EGFLAM: variants seen among roughly 807,000 people sequenced by gnomAD.
The protein encoded by EGFLAM is pikachurin.
A neutral mutation model predicts 113.1 loss-of-function variants in EGFLAM; 79 were observed. That is an observed-to-expected ratio of 0.70 (90% CI 0.58 to 0.84). The LOEUF is 0.84. Ranked by LOEUF, EGFLAM falls within the 40% of genes least tolerant of loss-of-function variation. EGFLAM has a pLI of 0.00. For synonymous variants in EGFLAM, 504 were observed against 487.6 expected (o/e 1.03, Z -0.44); for missense variants, 1,265 against 1,291.6 (o/e 0.98, Z 0.32).
chr5:38,370,111 G>A lies in EGFLAM; in HGVS notation c.546-185G>A, dbSNP rs117335757. ...TAAAAATAATCTACTTGTTTTTATC[G>A]GCAGGGACTTGCAAATGATGACTTG... is the stretch of plus-strand genomic sequence containing the variant. On this transcript the variant is annotated intron_variant, in intron 5 of 21. Coordinates refer to ENST00000322350, the MANE Select transcript of EGFLAM (RefSeq NM_152403.4). Among the ~76,000 whole-genome samples the A allele has an allele frequency of 1.2e-3, 181 of 152,216 alleles. 4 individuals are homozygous for A. In the South Asian group the frequency reaches 0.021, roughly 18 times the overall value.
intron 1 of EGFLAM, chr5:38,305,386 G>A (rs991521220): frequency 4.6e-6 from 2 of 432,816 alleles, no homozygotes; most frequent in Admixed American, 2.6e-5. Context: ...AATGAAGGAT[G>A]ATAGAAGACT....
At chr5:38,399,577 C>T (rs1345900970) in intron 6 of EGFLAM, among the ~76,000 whole-genome samples, 1 of 152,086 alleles carries the variant, frequency 6.6e-6, no homozygotes, top group Non-Finnish European at 1.5e-5. Flanking sequence ...TGCACCCGGC[C>T]CCCAAGGTCC....
In EGFLAM at chr5:38,407,810, G is replaced by A; in HGVS notation, c.1153G>A (p.Val385Ile). 1 of 1,609,088 alleles carries A rather than the reference G, an allele frequency of 6.2e-7. No homozygotes were observed. Among genetic ancestry groups the A allele is most frequent in the Non-Finnish European group, 8.5e-7 (1 of 1,176,542 alleles). The change falls in exon 9 of 22, where the codon GTT becomes ATT. Residue 385 changes from valine (V) to isoleucine (I), a missense_variant. Transcript: ENST00000322350. ...TTGTCTTTTTTCTTCTTCAGATATT[G>A]TTATCCAGTATCCTCAGTTCTTTGG... is the stretch of plus-strand genomic sequence containing the variant. ...KGGESCSEDIVIQYPQFFGHS... is the reference protein window; with the variant it reads ...KGGESCSEDIIIQYPQFFGHS...
chr5:38,324,881 A>C (rs1338800220), intron 1 of EGFLAM, among the ~76,000 whole-genome samples: 3 of 152,160 alleles, frequency 2.0e-5, no homozygotes, highest in Admixed American at 2.0e-4. Flanking sequence ...CTTGACGCTG[A>C]GGGTGACTTG....
chr5:38,398,985 A>G (rs370902377), intron 6 of EGFLAM, among the ~76,000 whole-genome samples: 27 of 152,354 alleles, frequency 1.8e-4, no homozygotes, highest in African/African-American at 6.3e-4. Context: ...GGAAGATGAT[A>G]AGGATGAAGA....
chr5:38,425,270 C>T (rs576606998), intron 13 of EGFLAM, among the ~76,000 whole-genome samples, 178 bp downstream of exon 13: 1 of 152,134 alleles, frequency 6.6e-6, no homozygotes, highest in Non-Finnish European at 1.5e-5. Context: ...CTCTGCCTCC[C>T]GGGTTCAAGT....
chr5:38,352,466 G>T, intron 5 of EGFLAM, 135 bp downstream of exon 5: 1 of 1,135,688 alleles, frequency 8.8e-7, no homozygotes, highest in Non-Finnish European at 1.2e-6. Flanking sequence ...GACCAACATG[G>T]TGAAACCCCG....
chr5:38,398,020 C>G (rs1335988521), intron 6 of EGFLAM, among the ~76,000 whole-genome samples: 1 of 152,176 alleles, frequency 6.6e-6, no homozygotes, highest in Non-Finnish European at 1.5e-5. Flanking sequence ...GGTAGCAGGA[C>G]TGACTTTACT....
At chr5:38,324,360 C>T (rs1457431210) in intron 1 of EGFLAM, among the ~76,000 whole-genome samples, 1 of 152,160 alleles carries the variant, frequency 6.6e-6, no homozygotes, top group Non-Finnish European at 1.5e-5. Flanking sequence ...TGGAGGCTTA[C>T]TCCTCCCTTT....
chr5:38,400,259 CT>C (rs1353952478), intron 6 of EGFLAM, among the ~76,000 whole-genome samples: 1 of 152,114 alleles, frequency 6.6e-6, no homozygotes, highest in African/African-American at 2.4e-5. Flanking sequence ...CCTGTGATGC[CT>C]TTATTAAAAC....
chr5:38,453,016 T>C (rs1742972096), intron 19 of EGFLAM, among the ~76,000 whole-genome samples: 1 of 152,164 alleles, frequency 6.6e-6, no homozygotes, highest in South Asian at 2.1e-4. Context: ...AGGTTAGACA[T>C]CGCTCATCTA....
chr5:38,406,124 A>G lies in EGFLAM; in HGVS notation c.713-2A>G, dbSNP rs1285497184. 1 of 1,613,466 alleles carries G rather than the reference A, an allele frequency of 6.2e-7. No homozygotes were observed. The highest frequency in any genetic ancestry group is 8.5e-7 in the Non-Finnish European group (1 of 1,179,402). On this transcript the variant is annotated splice_acceptor_variant, in intron 6 of 21. Coordinates refer to ENST00000322350, the MANE Select transcript of EGFLAM (RefSeq NM_152403.4). LOFTEE classifies it high-confidence loss of function. ...AAGGGTGTGCTGCTTTTCTTTGTGAAGGCCCTGAGGAGGCGGGAAGTGGCC... is the reference window on the plus strand; with the variant it reads ...AAGGGTGTGCTGCTTTTCTTTGTGAGGGCCCTGAGGAGGCGGGAAGTGGCC...
chr5:38,432,186 A>G lies in EGFLAM; in HGVS notation c.2166+898A>G, dbSNP rs544749542. ...GTTCCCACCAGTTTTCATTCTGTGTAAAGGAAGATTTGCAAAGGACATTGA... is the reference window on the plus strand; with the variant it reads ...GTTCCCACCAGTTTTCATTCTGTGTGAAGGAAGATTTGCAAAGGACATTGA... On this transcript the variant is annotated intron_variant, in intron 15 of 21. Coordinates refer to ENST00000322350, the MANE Select transcript of EGFLAM (RefSeq NM_152403.4). Among the ~76,000 whole-genome samples the G allele has an allele frequency of 1.2e-4, 18 of 152,348 alleles. No individual in the cohort carries two copies. The South Asian group carries it at 3.7e-3, about 32-fold the overall frequency.
intron 6 of EGFLAM, chr5:38,403,733 T>A: frequency 6.6e-7 from 1 of 1,513,758 alleles, no homozygotes; most frequent in Non-Finnish European, 8.9e-7. Flanking sequence ...TGATCGAGGG[T>A]AAATGAAATT....
intron 5 of EGFLAM, among the ~76,000 whole-genome samples, chr5:38,352,534 C>T (rs1373549752): frequency 1.3e-5 from 2 of 151,862 alleles, no homozygotes; most frequent in Admixed American, 1.3e-4. Flanking sequence ...GTAGTCTCAG[C>T]TACTCAGGAG....
chr5:38,341,421 C>G (rs559489670), intron 3 of EGFLAM, among the ~76,000 whole-genome samples: 1 of 152,158 alleles, frequency 6.6e-6, no homozygotes, highest in Admixed American at 6.5e-5. Context: ...CTCACTATCA[C>G]GAGAACAGCA....
intron 1 of EGFLAM, among the ~76,000 whole-genome samples, chr5:38,328,723 G>GTTTTTTTTTTTTTT: frequency 9.7e-6 from 1 of 103,026 alleles, no homozygotes; most frequent in Non-Finnish European, 1.9e-5. Flanking sequence ...AGCTATACTT[G>GTTTTTTTTTTTTTT]TTTTTTTTTT....
At chr5:38,311,938 T>A (rs1348675043) in intron 1 of EGFLAM, among the ~76,000 whole-genome samples, 1 of 152,216 alleles carries the variant, frequency 6.6e-6, no homozygotes, top group Non-Finnish European at 1.5e-5. Flanking sequence ...ATATTGTTTA[T>A]TTCACAAGGC....
rs922755333 is a variant in EGFLAM, at chr5:38,296,855, A to G, written c.97+38004A>G. The stretch of plus-strand genomic sequence containing the variant: ...GTAATAAGACATATTGACACTGTGT[A>G]CCCCTTGATATAATTTACTGAGAAG... On this transcript the variant is annotated intron_variant, in intron 1 of 21. Coordinates refer to ENST00000322350, the MANE Select transcript of EGFLAM (RefSeq NM_152403.4). Among the ~76,000 whole-genome samples the G allele has an allele frequency of 7.2e-5, 11 of 152,140 alleles. No homozygotes were observed. The South Asian group carries it at 2.3e-3, about 32-fold the overall frequency.
Sources: gnomAD v4.1 joint callset for allele counts (sites outside exome capture counted in the v4.1 genomes callset) on GRCh38, gnomAD v4.1.1 for gene constraint, MANE v1.5 for transcripts, NCBI Gene and HGNC (gene_info 2026-07-23, HGNC 2026-07-21) for gene names.